The following SDK1 variants were observed in gnomAD, a reference collection of about 807,000 sequenced individuals.
The protein encoded by SDK1 is sidekick cell adhesion molecule 1.
A neutral mutation model predicts 245.5 loss-of-function variants in SDK1; 157 were observed. That is an observed-to-expected ratio of 0.64 (90% CI 0.56 to 0.73). The LOEUF is 0.73. Ranked by LOEUF, SDK1 falls within the 30% of genes least tolerant of loss-of-function variation. The pLI is 0.00. For synonymous variants in SDK1, 1,647 were observed against 1,278.5 expected (o/e 1.29, Z -6.15); for missense variants, 3,583 against 3,002.3 (o/e 1.19, Z -4.52).
In SDK1 at chr7:3,854,163, AAAAC is replaced by A. The variant is rs546387826; in HGVS notation, c.847+32581_847+32584del. 4.6e-5 allele frequency among the ~76,000 whole-genome samples: 7 copies of A among 152,266 alleles called. No homozygotes were observed. In the South Asian group the frequency reaches 1.4e-3, roughly 32 times the overall value. On this transcript the variant is annotated intron_variant, in intron 5 of 44. Coordinates refer to ENST00000404826, the MANE Select transcript of SDK1 (RefSeq NM_152744.4). ...GATATTATAGATCTTACTTTCTTAG[AAAAC>A]TTTTAGGAGCCAAAGGTTATGTACG...
At chr7:3,497,555 CT>C (rs1782063605) in intron 1 of SDK1, among the ~76,000 whole-genome samples, 1 of 152,116 alleles carries the variant, frequency 6.6e-6, no homozygotes, top group Non-Finnish European at 1.5e-5. Context: ...CATATATGAT[CT>C]TGTCTCAACC....
intron 7 of SDK1, among the ~76,000 whole-genome samples, chr7:3,957,721 A>G (rs924360201): frequency 1.3e-5 from 2 of 152,176 alleles, no homozygotes; most frequent in Non-Finnish European, 2.9e-5. Flanking sequence ...TGATTGAGGA[A>G]ACGTGATCAA....
chr7:3,915,073 C>A (rs537218255), intron 5 of SDK1, among the ~76,000 whole-genome samples: 1 of 152,124 alleles, frequency 6.6e-6, no homozygotes, highest in Admixed American at 6.5e-5. Flanking sequence ...CTTGTACGGC[C>A]GTGGAATCTG....
At chr7:3,850,558 G>A (rs150435900) in intron 5 of SDK1, among the ~76,000 whole-genome samples, 7,419 of 152,146 alleles carry the variant, frequency 0.049, 574 homozygotes, top group African/African-American at 0.16. Flanking sequence ...ACATGCACAC[G>A]TATGTTTATT....
intron 5 of SDK1, among the ~76,000 whole-genome samples, chr7:3,872,515 T>TC (rs1353094391): frequency 1.3e-5 from 2 of 151,786 alleles, no homozygotes; most frequent in African/African-American, 4.8e-5. Context: ...TAGCCTTTTT[T>TC]CCCAAGGAAT....
intron 1 of SDK1, among the ~76,000 whole-genome samples, chr7:3,426,835 C>A (rs908416501): frequency 6.6e-6 from 1 of 152,190 alleles, no homozygotes; most frequent in Non-Finnish European, 1.5e-5. Flanking sequence ...AAATGCAGAT[C>A]TTGCCCTGCC....
rs543933780 is a variant in SDK1 at position 3,520,376 on chromosome 7, A to G, written c.299-98704A>G. 2.6e-5 allele frequency among the ~76,000 whole-genome samples: 4 copies of G among 152,278 alleles called. No homozygotes were observed. In the East Asian group the frequency reaches 7.7e-4, roughly 29 times the overall value. On this transcript the variant is annotated intron_variant, in intron 1 of 44. Coordinates refer to ENST00000404826, the MANE Select transcript of SDK1 (RefSeq NM_152744.4). ...TCTGTTTGCTCTATTGAGTCCTTGT[A>G]TGGTTATCTTGTTAGTATAGTGCTA...
chr7:4,049,972 A>G (rs557664307), intron 18 of SDK1, among the ~76,000 whole-genome samples: 134 of 152,306 alleles, frequency 8.8e-4, no homozygotes, highest in African/African-American at 3.1e-3. Context: ...AATTTCCATC[A>G]TCCGACTTCT....
At chr7:3,440,308 C>T (rs1337501666) in intron 1 of SDK1, among the ~76,000 whole-genome samples, 1 of 152,144 alleles carries the variant, frequency 6.6e-6, no homozygotes, top group African/African-American at 2.4e-5. Flanking sequence ...TTGCTTAGTT[C>T]AGGTTGCTCA....
At chr7:4,154,259 C>T (rs1338309971) in intron 30 of SDK1, among the ~76,000 whole-genome samples, 1 of 152,184 alleles carries the variant, frequency 6.6e-6, no homozygotes, top group Non-Finnish European at 1.5e-5. Context: ...CGAGTACAAA[C>T]TGGCTTTCTA....
intron 1 of SDK1, among the ~76,000 whole-genome samples, chr7:3,444,476 A>G (rs1780288703): frequency 6.6e-6 from 1 of 152,208 alleles, no homozygotes; most frequent in South Asian, 2.1e-4. Flanking sequence ...CAATTATAGT[A>G]GCAGGTAGTA....
In SDK1 at chr7:4,063,026, T is replaced by C. The variant is rs530890370; in HGVS notation, c.2912-4812T>C. On this transcript the variant is annotated intron_variant, in intron 19 of 44. Transcript: ENST00000404826. ...ACTGAATGGGGAAAAGCTGAAATCCTTTCCTCTGATAACTGGAACAAGACA... is the reference window on the plus strand; with the variant it reads ...ACTGAATGGGGAAAAGCTGAAATCCCTTCCTCTGATAACTGGAACAAGACA... Among the ~76,000 whole-genome samples, 21 of 152,324 alleles carry C rather than the reference T, an allele frequency of 1.4e-4. No individual in the cohort carries two copies. In the South Asian group the frequency reaches 3.9e-3, roughly 29 times the overall value.
intron 1 of SDK1, chr7:3,338,048 G>A (rs1436860579): frequency 4.8e-5 from 8 of 168,342 alleles, no homozygotes; most frequent in East Asian, 1.5e-4. Flanking sequence ...TATATGCCGC[G>A]GAAATATTTA....
intron 21 of SDK1, 143 bp downstream of exon 21, chr7:4,077,332 A>G: frequency 1.3e-6 from 1 of 768,376 alleles, no homozygotes; most frequent in African/African-American, 1.7e-5. Context: ...GCTGGAGGGT[A>G]AATGGGTGTT....
chr7:4,251,692 A>G (rs939598290), intron 44 of SDK1, among the ~76,000 whole-genome samples: 1 of 152,248 alleles, frequency 6.6e-6, no homozygotes, highest in African/African-American at 2.4e-5. Flanking sequence ...TAATTTAGGG[A>G]AAACATTTTA....
intron 35 of SDK1, 116 bp downstream of exon 35, chr7:4,178,702 C>G: frequency 4.2e-6 from 3 of 720,246 alleles, no homozygotes; most frequent in Non-Finnish European, 7.2e-6. Context: ...TCCTTGAACA[C>G]ATTGCTGTCG....
chr7:3,589,618 A>C (rs1405056748), intron 1 of SDK1, among the ~76,000 whole-genome samples: 4 of 152,232 alleles, frequency 2.6e-5, no homozygotes, highest in African/African-American at 9.6e-5. Flanking sequence ...AAGGCAAAGG[A>C]GGAGTACAGA....
chr7:4,254,111 T>C (rs948354132), intron 44 of SDK1, among the ~76,000 whole-genome samples: 2 of 152,198 alleles, frequency 1.3e-5, no homozygotes, highest in Admixed American at 6.5e-5. Context: ...GTGCTATTAC[T>C]ATACATATTT....
intron 4 of SDK1, among the ~76,000 whole-genome samples, chr7:3,770,311 C>G (rs1051226513): frequency 1.3e-5 from 2 of 152,054 alleles, no homozygotes; most frequent in Non-Finnish European, 2.9e-5. Flanking sequence ...ATTTGTATTG[C>G]TAAGTAATGG....
Sources: gnomAD v4.1 joint callset for allele counts (sites outside exome capture counted in the v4.1 genomes callset) on GRCh38, gnomAD v4.1.1 for gene constraint, MANE v1.5 for transcripts, NCBI Gene and HGNC (gene_info 2026-07-23, HGNC 2026-07-21) for gene names.